Variants in HTR7 observed in about 807,000 individuals in gnomAD.
HTR7 encodes 5-hydroxytryptamine receptor 7.
Under a neutral mutation model 34.0 loss-of-function variants are expected in HTR7, and 16 were observed. That is an observed-to-expected ratio of 0.47 (90% CI 0.32 to 0.71). The LOEUF is 0.71. Ranked by LOEUF, HTR7 falls within the 30% of genes least tolerant of loss-of-function variation. HTR7 has a pLI of 0.04. For synonymous variants in HTR7, 265 were observed against 260.2 expected, an observed-to-expected ratio of 1.02 and a Z score of -0.18; for missense variants, 504 against 625.5, an observed-to-expected ratio of 0.81 and a Z score of 2.07.
chr10:90,793,254 T>C (rs966616462), intron 1 of HTR7, among the ~76,000 whole-genome samples: 1 of 151,990 alleles, frequency 6.6e-6, no homozygotes, highest in African/African-American at 2.4e-5. Flanking sequence ...AGGGCTTACA[T>C]AGACATTTCT....
chr10:90,828,619 T>C (rs1589470677), intron 1 of HTR7, among the ~76,000 whole-genome samples: 1 of 152,046 alleles, frequency 6.6e-6, no homozygotes, highest in Non-Finnish European at 1.5e-5. Context: ...CTTAGACACA[T>C]ACAACTTACC....
chr10:90,796,264 T>C (rs1845536556), intron 1 of HTR7, among the ~76,000 whole-genome samples: 1 of 152,192 alleles, frequency 6.6e-6, no homozygotes, highest in Non-Finnish European at 1.5e-5. Context: ...AGATGCAAGA[T>C]ACTGTCACAA....
At chr10:90,782,390 CATATT>C (rs1845319105) in intron 1 of HTR7, among the ~76,000 whole-genome samples, 1 of 152,030 alleles carries the variant, frequency 6.6e-6, no homozygotes, top group Non-Finnish European at 1.5e-5. Context: ...TAAAATAATC[CATATT>C]ATATTTTCAA....
chr10:90,826,559 A>T (rs1020493036), intron 1 of HTR7, among the ~76,000 whole-genome samples: 68 of 152,348 alleles, frequency 4.5e-4, no homozygotes, highest in African/African-American at 1.5e-3. Flanking sequence ...GTACTATAAG[A>T]TATAAATAGA....
intron 1 of HTR7, among the ~76,000 whole-genome samples, chr10:90,796,313 AAAC>A (rs772345006): frequency 5.9e-5 from 9 of 152,272 alleles, no homozygotes; most frequent in Non-Finnish European, 1.3e-4. Context: ...AAGTCCCACA[AAAC>A]AATGAGGAAT....
rs1564686174 is a variant in HTR7, at chr10:90,799,364, TGAA to T, written c.540-49773_540-49771del. 1.4e-3 allele frequency among the ~76,000 whole-genome samples: 220 copies of T among 152,122 alleles called. 2 individuals are homozygous for T. Among genetic ancestry groups the T allele is most frequent in the African/African-American group, 5.2e-3 (214 of 41,498 alleles). ...ATGAATGAATGAATGAATGAATGAATGAATGAATGAATGAATGAAGAGATCCCC... is the reference window on the plus strand; with the variant it reads ...ATGAATGAATGAATGAATGAATGAATTGAATGAATGAATGAAGAGATCCCC... On this transcript the variant is annotated intron_variant, in intron 1 of 3. Transcript: ENST00000336152.
At chr10:90,753,220 A>G (rs1002657974) in intron 1 of HTR7, among the ~76,000 whole-genome samples, 2 of 151,488 alleles carry the variant, frequency 1.3e-5, no homozygotes, top group African/African-American at 4.8e-5. Flanking sequence ...TATTTAAGCA[A>G]TTGATCAAAG....
chr10:90,807,622 C>T (rs1589459033), intron 1 of HTR7, among the ~76,000 whole-genome samples: 1 of 152,200 alleles, frequency 6.6e-6, no homozygotes, highest in Non-Finnish European at 1.5e-5. Context: ...CGGCCCCACC[C>T]CTATCTCCCT....
intron 1 of HTR7, among the ~76,000 whole-genome samples, chr10:90,845,274 G>A (rs1166287622): frequency 6.6e-6 from 1 of 152,164 alleles, no homozygotes; most frequent in African/African-American, 2.4e-5. Flanking sequence ...GGGTGTCTTC[G>A]GAGAGTTGGC....
intron 1 of HTR7, among the ~76,000 whole-genome samples, chr10:90,802,706 A>T (rs1333345581): frequency 6.6e-6 from 1 of 152,238 alleles, no homozygotes; most frequent in Non-Finnish European, 1.5e-5. Flanking sequence ...TTGTACACTC[A>T]AACTGCCTGC....
rs538384951 is a variant in HTR7, at chr10:90,765,815, T to C, written c.540-16221A>G. Among the ~76,000 whole-genome samples the C allele has an allele frequency of 3.9e-5, 6 of 152,330 alleles. 1 individual carries two copies. The highest frequency in any genetic ancestry group is 1.4e-4 in the African/African-American group (6 of 41,584). On this transcript the variant is annotated intron_variant, in intron 1 of 3. Coordinates refer to ENST00000336152, the MANE Select transcript of HTR7 (RefSeq NM_019859.4). ...AGAACTATGTTGTTTAATTTCCACATAGCTGTGAATTTTCCACTTTTACTA... is the reference window on the plus strand; with the variant it reads ...AGAACTATGTTGTTTAATTTCCACACAGCTGTGAATTTTCCACTTTTACTA...
chr10:90,838,590 G>A (rs1031860731), intron 1 of HTR7, among the ~76,000 whole-genome samples: 2 of 152,104 alleles, frequency 1.3e-5, no homozygotes, highest in Admixed American at 6.5e-5. Flanking sequence ...TGGTTCTGCC[G>A]CACTTAGAAT....
Position 90,857,336 on chromosome 10 carries a change from G to A in HTR7, c.336C>T (p.Leu112=), listed in dbSNP as rs770273693. The change falls in exon 1 of 4, where the codon CTC becomes CTT. Residue 112 remains leucine (L), a synonymous_variant. Transcript: ENST00000336152. The surrounding 1 kb of genome is among the most constrained non-coding windows in gnomAD (Gnocchi z 6.5). ...CGATCAGGTAGTTGGAGGGCTGGCG[G>A]AGCTTCTTGACGAAGCACACGGAGA... The part of the protein sequence containing the change: ...VVISVCFVKK[L]RQPSNYLIVS... 1.2e-6 allele frequency: 2 copies of A among 1,613,922 alleles called. No homozygotes were observed. Among genetic ancestry groups the A allele is most frequent in the Non-Finnish European group, 8.5e-7 (1 of 1,180,000 alleles).
chr10:90,818,321 G>A (rs1845928586), intron 1 of HTR7, among the ~76,000 whole-genome samples: 1 of 152,214 alleles, frequency 6.6e-6, no homozygotes, highest in African/African-American at 2.4e-5. Context: ...ACTTTGGGAT[G>A]CTGATGCTGA....
intron 1 of HTR7, among the ~76,000 whole-genome samples, chr10:90,821,683 A>C (rs1845983835): frequency 6.6e-6 from 1 of 152,142 alleles, no homozygotes; most frequent in African/African-American, 2.4e-5. Flanking sequence ...ACGTGGTTTG[A>C]TGTTAGGTGT....
chr10:90,831,552 A>G (rs1283311226), intron 1 of HTR7, among the ~76,000 whole-genome samples: 1 of 151,886 alleles, frequency 6.6e-6, no homozygotes, highest in Admixed American at 6.6e-5. Flanking sequence ...TTGCTTCCAA[A>G]CTGTGGAAAG....
chr10:90,780,381 C>A (rs551549368), intron 1 of HTR7, among the ~76,000 whole-genome samples: 1 of 151,790 alleles, frequency 6.6e-6, no homozygotes, highest in African/African-American at 2.4e-5. Context: ...ACTAAAAATG[C>A]GTAAAATTAT....
chr10:90,826,325 G>A (rs550590253), intron 1 of HTR7, among the ~76,000 whole-genome samples: 2 of 152,264 alleles, frequency 1.3e-5, no homozygotes, highest in South Asian at 4.1e-4. Context: ...TTTATCAACA[G>A]CAGACCTGTC....
intron 1 of HTR7, among the ~76,000 whole-genome samples, chr10:90,768,802 C>T (rs1845062883): frequency 6.6e-6 from 1 of 152,230 alleles, no homozygotes; most frequent in South Asian, 2.1e-4. Context: ...ATGAAATCCA[C>T]ACTTCAGATG....
Sources: allele counts gnomAD v4.1 joint callset (sites outside exome capture counted in the v4.1 genomes callset), GRCh38; gene constraint gnomAD v4.1.1; non-coding constraint Gnocchi (gnomAD v3.1); transcripts MANE v1.5; gene names NCBI Gene and HGNC (gene_info 2026-07-23, HGNC 2026-07-21).